The following GALNT2 variants were observed in gnomAD, a reference collection of about 807,000 sequenced individuals.
GALNT2 encodes UDP-GalNAc:polypeptide N-acetylgalactosaminyltransferase 2.
Under a neutral mutation model 81.4 loss-of-function variants are expected in GALNT2, and 31 were observed. The observed-to-expected ratio is 0.38, with a 90% CI of 0.29 to 0.51. The LOEUF (loss-of-function observed/expected upper bound fraction) is 0.51, where lower values mean the gene tolerates loss of function less well. Among genes scored for constraint, GALNT2 ranks in the 20% least tolerant of loss-of-function variants. The pLI, the probability that GALNT2 is intolerant of heterozygous loss-of-function variation, is 0.87. For synonymous variants in GALNT2, 303 were observed against 287.4 expected (o/e 1.05, Z -0.55); for missense variants, 629 against 765.7 (o/e 0.82, Z 2.11).
rs1271985944 is a variant in GALNT2, at chr1:230,257,519, C to T, written c.1136+2175C>T. ...CCAGTGTTCAGGACAGTCATGTGCT[C>T]TACACGTTTGTAGCCTAGAAGCAAT... On this transcript the variant is annotated intron_variant, in intron 11 of 15. Coordinates refer to ENST00000366672, the MANE Select transcript of GALNT2 (RefSeq NM_004481.5). This position sits in a 1 kb window ranked among gnomAD's most constrained non-coding sequence, Gnocchi z 4.6. Among the ~76,000 whole-genome samples the T allele has an allele frequency of 6.6e-6, 1 of 152,248 alleles. No individual in the cohort carries two copies. The highest frequency in any genetic ancestry group is 2.4e-5 in the African/African-American group (1 of 41,460).
chr1:230,197,987 G>A (rs1314936944), intron 2 of GALNT2, among the ~76,000 whole-genome samples: 1 of 152,208 alleles, frequency 6.6e-6, no homozygotes, highest in Non-Finnish European at 1.5e-5. Flanking sequence ...GCAAACGAGC[G>A]AAAGAGGCGT....
intron 1 of GALNT2, among the ~76,000 whole-genome samples, chr1:230,108,444 G>T (rs1403889154): frequency 6.6e-6 from 1 of 152,180 alleles, no homozygotes; most frequent in African/African-American, 2.4e-5. Context: ...ATGCACTTCT[G>T]ATATAATGGT....
rs527816033 is a variant in GALNT2, at chr1:230,223,305, T to C, written c.375-12709T>C. Reference sequence around the variant, plus strand: ...TTTGCATAAATGTTAATCTCCTACTTTATTTCACTTACTCTTGATACATTT... The same window carrying C: ...TTTGCATAAATGTTAATCTCCTACTCTATTTCACTTACTCTTGATACATTT... On this transcript the variant is annotated intron_variant, in intron 3 of 15. Transcript: ENST00000366672. 2.6e-5 allele frequency among the ~76,000 whole-genome samples: 4 copies of C among 151,954 alleles called. No individual in the cohort carries two copies. The South Asian group carries it at 8.3e-4, about 32-fold the overall frequency.
At chr1:230,214,591 A>G (rs1277379524) in intron 3 of GALNT2, among the ~76,000 whole-genome samples, 2 of 151,564 alleles carry the variant, frequency 1.3e-5, no homozygotes, top group Admixed American at 1.3e-4. Flanking sequence ...GCCTTTTCAG[A>G]TATTTCTTTT....
rs1366518881 is a variant in GALNT2 at position 230,246,128 on chromosome 1, G to A, written c.795G>A (p.Gly265=). The part of the protein sequence containing the change: ...VINMDNFQYV[G]ASADLKGGFD... ...ATATGGACAACTTTCAGTATGTGGG[G>A]GCATCTGCTGACTTGAAGGGCGGTA... Residue 265 remains glycine, a synonymous_variant, in exon 8 of 16, where the codon GGG becomes GGA. Coordinates refer to ENST00000366672, the MANE Select transcript of GALNT2 (RefSeq NM_004481.5). 4.3e-6 allele frequency: 7 copies of A among 1,614,020 alleles called. No homozygotes were observed. Among genetic ancestry groups the A allele is most frequent in the Non-Finnish European group, 5.1e-6 (6 of 1,179,950 alleles).
intron 1 of GALNT2, among the ~76,000 whole-genome samples, chr1:230,078,385 A>C (rs1159165662): frequency 6.6e-6 from 1 of 152,196 alleles, no homozygotes; most frequent in Non-Finnish European, 1.5e-5. Flanking sequence ...AGTTCATTTA[A>C]AAAATTTAAA....
At chr1:230,200,739 C>T (rs932378512) in intron 2 of GALNT2, among the ~76,000 whole-genome samples, 1 of 152,178 alleles carries the variant, frequency 6.6e-6, no homozygotes, top group South Asian at 2.1e-4. Context: ...GTCCCCAGCA[C>T]GCCGGTGAGA....
chr1:230,057,943 G>T, upstream of GALNT2: 1 of 443,230 alleles, frequency 2.3e-6, no homozygotes, highest in Non-Finnish European at 4.6e-6. Flanking sequence ...GGAGGATTCC[G>T]CTGGCTCCTT....
intron 2 of GALNT2, among the ~76,000 whole-genome samples, chr1:230,189,398 C>T (rs891266612): frequency 1.3e-5 from 2 of 152,090 alleles, no homozygotes; most frequent in Non-Finnish European, 2.9e-5. Flanking sequence ...CTAATGTTCA[C>T]GTAAAGATGA....
intron 1 of GALNT2, among the ~76,000 whole-genome samples, chr1:230,090,103 G>T (rs1425726705): frequency 6.6e-6 from 1 of 152,152 alleles, no homozygotes; most frequent in East Asian, 1.9e-4. Flanking sequence ...ATATGAAGTG[G>T]TATCTTGTGA....
chr1:230,216,778 A>G (rs1354413516), intron 3 of GALNT2, among the ~76,000 whole-genome samples: 2 of 152,142 alleles, frequency 1.3e-5, no homozygotes, highest in Admixed American at 1.3e-4. Flanking sequence ...AGGGCCCATA[A>G]TCTCCACTGC....
At chr1:230,147,849 C>T (rs1259442833) in intron 1 of GALNT2, among the ~76,000 whole-genome samples, 3 of 152,220 alleles carry the variant, frequency 2.0e-5, no homozygotes, top group African/African-American at 7.2e-5. Context: ...TTGCAGGCTT[C>T]ATGAAGAGAG....
intron 11 of GALNT2, among the ~76,000 whole-genome samples, chr1:230,260,292 C>G (rs1665838251): frequency 1.3e-5 from 2 of 152,178 alleles, no homozygotes; most frequent in Admixed American, 1.3e-4. Context: ...GTATCTGCAG[C>G]ACTGAGACTG....
At chr1:230,205,498 A>T (rs1368240932) in intron 3 of GALNT2, among the ~76,000 whole-genome samples, 1 of 152,148 alleles carries the variant, frequency 6.6e-6, no homozygotes, top group Non-Finnish European at 1.5e-5. Flanking sequence ...GTTTCCTGTC[A>T]TCCATTAATT....
At chr1:230,195,006 T>C (rs1307421328) in intron 2 of GALNT2, among the ~76,000 whole-genome samples, 2 of 152,234 alleles carry the variant, frequency 1.3e-5, no homozygotes, top group African/African-American at 2.4e-5. Flanking sequence ...CTCCATCTTC[T>C]CTGTCCAGAC....
upstream of GALNT2, chr1:230,067,150 C>G (rs1178206426): frequency 8.4e-6 from 3 of 358,006 alleles, no homozygotes; most frequent in East Asian, 8.2e-5. Flanking sequence ...GCAGTAGCAC[C>G]GCGCGGGAGG....
rs1666147980 is a variant in GALNT2 at position 230,271,052 on chromosome 1, C to A, written c.1441-3393C>A. On this transcript the variant is annotated intron_variant, in intron 14 of 15. Transcript: ENST00000366672. This position sits in a 1 kb window ranked among gnomAD's most constrained non-coding sequence, Gnocchi z 4.2. The stretch of plus-strand genomic sequence containing the variant: ...CAGCAGACCATCCAGCATCCGCCAA[C>A]ACCTGCTGCCAGGGACAGTCTGGAA... 6.6e-6 allele frequency among the ~76,000 whole-genome samples: 1 copy of A among 152,218 alleles called. No homozygotes were observed. Among genetic ancestry groups the A allele is most frequent in the African/African-American group, 2.4e-5 (1 of 41,454 alleles).
chr1:230,063,597 A>G (rs947785806), upstream of GALNT2, among the ~76,000 whole-genome samples: 1 of 152,208 alleles, frequency 6.6e-6, no homozygotes, highest in African/African-American at 2.4e-5. Flanking sequence ...AGACTTCCAT[A>G]ACCTTTTTTC....
At chr1:230,238,418 G>A (rs1458497451) in intron 6 of GALNT2, among the ~76,000 whole-genome samples, 1 of 152,060 alleles carries the variant, frequency 6.6e-6, no homozygotes, top group Non-Finnish European at 1.5e-5. Flanking sequence ...GTGGGGTGTG[G>A]GCAGCTGCAT....
Sources: allele counts gnomAD v4.1 joint callset (sites outside exome capture counted in the v4.1 genomes callset), GRCh38; gene constraint gnomAD v4.1.1; non-coding constraint Gnocchi (gnomAD v3.1); transcripts MANE v1.5; gene names NCBI Gene and HGNC (gene_info 2026-07-23, HGNC 2026-07-21).